Variants in TDRD10 observed in about 807,000 individuals in gnomAD.
TDRD10 encodes tudor domain containing 10, also known as tudor domain-containing protein 10.
In TDRD10, 40 loss-of-function variants were observed where a neutral mutation model predicts 48.0. That is an observed-to-expected ratio of 0.83 (90% CI 0.65 to 1.09). TDRD10 has a LOEUF of 1.09. Among genes scored for constraint, TDRD10 ranks in the 50% least tolerant of loss-of-function variants. The probability of loss-of-function intolerance (pLI) is 0.00; values close to 1 mark genes in which losing one functional copy is unlikely to be tolerated. For synonymous variants in TDRD10, 162 were observed against 170.4 expected (o/e 0.95, Z 0.38); for missense variants, 378 against 434.7 (o/e 0.87, Z 1.16).
intron 10 of TDRD10, 80 bp from the exon 11 acceptor site, chr1:154,544,715 C>T: frequency 6.4e-7 from 1 of 1,551,300 alleles, no homozygotes; most frequent in Middle Eastern, 1.8e-4. Flanking sequence ...CCTCCACTTT[C>T]ACATCCACTT....
In TDRD10 at chr1:154,526,417, AT is replaced by A. The variant is rs58821375; in HGVS notation, c.369+4958del. Reference sequence around the variant, plus strand: ...ACAAAACCCAAAACAACTTTCACAGATTTTTTTTTTTTTTTTTTTTGAGACA... The same window carrying A: ...ACAAAACCCAAAACAACTTTCACAGATTTTTTTTTTTTTTTTTTTGAGACA... On this transcript the variant is annotated intron_variant, in intron 6 of 12. Coordinates refer to ENST00000368482, the MANE Select transcript of TDRD10 (RefSeq NM_182499.4). Among the ~76,000 whole-genome samples the A allele has an allele frequency of 6.6e-3, 876 of 133,144 alleles. 9 individuals carry two copies. The highest frequency in any genetic ancestry group is 0.021 in the African/African-American group (743 of 36,194). The allele number at this position is 133,144 out of a possible 152,430, so 87.3% of individuals were successfully genotyped here. A position where few individuals can be genotyped will look rare whatever the true frequency, so the allele number is the denominator to read the frequency against.
intron 6 of TDRD10, among the ~76,000 whole-genome samples, chr1:154,538,117 G>A (rs1227337238): frequency 3.3e-5 from 5 of 152,130 alleles, no homozygotes; most frequent in African/African-American, 1.2e-4. Context: ...CTGTCAAAAC[G>A]GGCTTGTTAT....
In TDRD10 at chr1:154,507,262, C is replaced by G. The variant is rs1431998757; in HGVS notation, c.24C>G (p.Pro8=). ...ACAGGTCCTGGAACATTAGTCACCC[C>G]CAACTCTCTGATAAACTGTTTGGGA... MSWNISH[P]QLSDKLFGKN... Residue 8 remains proline (P), a synonymous_variant, in exon 3 of 13, where the codon CCC becomes CCG. Coordinates refer to ENST00000368482, the MANE Select transcript of TDRD10 (RefSeq NM_182499.4). 2 of 1,614,080 alleles carry G rather than the reference C, an allele frequency of 1.2e-6. No homozygotes were observed. Among genetic ancestry groups the G allele is most frequent in the Non-Finnish European group, 1.7e-6 (2 of 1,180,032 alleles).
intron 4 of TDRD10, among the ~76,000 whole-genome samples, chr1:154,516,034 CT>C (rs1693745566): frequency 6.6e-6 from 1 of 152,146 alleles, no homozygotes; most frequent in Admixed American, 6.5e-5. Flanking sequence ...ACTTACTCCC[CT>C]TAGTGATGAT....
intron 1 of TDRD10, among the ~76,000 whole-genome samples, chr1:154,505,231 A>G (rs1257886230): frequency 6.6e-6 from 1 of 152,116 alleles, no homozygotes; most frequent in East Asian, 1.9e-4. Context: ...TCCCTCTTAG[A>G]GTTTGAGTGA....
Position 154,509,987 on chromosome 1 carries a change from C to T in TDRD10, c.141+1506C>T, listed in dbSNP as rs888406223. 83 of 472,564 alleles carry T rather than the reference C, an allele frequency of 1.8e-4. 1 individual carries two copies. The highest frequency in any genetic ancestry group is 1.2e-3 in the African/African-American group (59 of 47,370). 29.3% of individuals were successfully genotyped at this position (472,564 alleles called of 1,614,324 possible). A position where few individuals can be genotyped will look rare whatever the true frequency, so the allele number is the denominator to read the frequency against. On this transcript the variant is annotated intron_variant, in intron 4 of 12. Coordinates refer to ENST00000368482, the MANE Select transcript of TDRD10 (RefSeq NM_182499.4). ...ACTGTCCCACACCATGGTAAGGGAA[C>T]GTTTCATCCTTGTCCCCTTCGCAGA... is the stretch of plus-strand genomic sequence containing the variant.
chr1:154,509,101 T>TTG (rs1693307413), intron 4 of TDRD10, among the ~76,000 whole-genome samples: 1 of 150,972 alleles, frequency 6.6e-6, no homozygotes, highest in African/African-American at 2.4e-5. Flanking sequence ...CTGACTTTTT[T>TTG]TTTTTTTTTT....
intron 3 of TDRD10, among the ~76,000 whole-genome samples, chr1:154,507,569 G>T (rs1487104025): frequency 6.6e-6 from 1 of 152,068 alleles, no homozygotes; most frequent in East Asian, 1.9e-4. Flanking sequence ...TGTTTCATTT[G>T]TGCCTTCTTC....
intron 4 of TDRD10, among the ~76,000 whole-genome samples, chr1:154,511,343 T>C (rs1693459718): frequency 6.6e-6 from 1 of 151,620 alleles, no homozygotes; most frequent in Non-Finnish European, 1.5e-5. Flanking sequence ...TTTAAAAATG[T>C]ACAATTCAGG....
intron 4 of TDRD10, among the ~76,000 whole-genome samples, chr1:154,514,683 T>G (rs751119378): frequency 1.4e-4 from 22 of 152,164 alleles, no homozygotes; most frequent in East Asian, 1.9e-4. Flanking sequence ...TCATTTGTTT[T>G]TTTGTTTGTT....
intron 6 of TDRD10, among the ~76,000 whole-genome samples, chr1:154,522,700 C>A (rs977652450): frequency 5.3e-5 from 8 of 152,176 alleles, no homozygotes; most frequent in African/African-American, 1.7e-4. Context: ...CAAACTCTTT[C>A]TCTTCCTTTC....
At chr1:154,506,412 G>C (rs190628715) in intron 1 of TDRD10, among the ~76,000 whole-genome samples, 1 of 142,568 alleles carries the variant, frequency 7.0e-6, no homozygotes, top group Admixed American at 7.4e-5. Context: ...GTCTCACTCT[G>C]TCGCCCAGGC....
At chr1:154,525,138 T>C (rs1694243801) in intron 6 of TDRD10, among the ~76,000 whole-genome samples, 1 of 152,194 alleles carries the variant, frequency 6.6e-6, no homozygotes, top group Admixed American at 6.5e-5. Context: ...TCACTCTCAT[T>C]AGTCCTGTGC....
intron 4 of TDRD10, 134 bp from the exon 5 acceptor site, chr1:154,520,170 G>A (rs1356258109): frequency 6.1e-6 from 4 of 652,106 alleles, no homozygotes; most frequent in South Asian, 1.9e-5. Flanking sequence ...AACATGGCAC[G>A]TACAGCACAT....
intron 5 of TDRD10, 112 bp from the exon 6 acceptor site, chr1:154,521,211 C>A: frequency 9.6e-7 from 1 of 1,045,880 alleles, no homozygotes; most frequent in South Asian, 1.5e-5. Context: ...CATCTTCCAT[C>A]ACTGCAGAGA....
chr1:154,541,950 G>A, intron 6 of TDRD10, 74 bp from the exon 7 acceptor site: 3 of 1,477,812 alleles, frequency 2.0e-6, no homozygotes, highest in Non-Finnish European at 2.8e-6. Context: ...CAGTCTACCT[G>A]GAGTGATTCA....
intron 4 of TDRD10, among the ~76,000 whole-genome samples, chr1:154,514,516 T>TG (rs1693647389): frequency 6.6e-6 from 1 of 152,094 alleles, no homozygotes; most frequent in Admixed American, 6.5e-5. Context: ...GATGGGCTTG[T>TG]GGGAGTTCAT....
intron 6 of TDRD10, among the ~76,000 whole-genome samples, chr1:154,532,974 C>G (rs1391327937): frequency 6.6e-6 from 1 of 152,200 alleles, no homozygotes; most frequent in Non-Finnish European, 1.5e-5. Flanking sequence ...TCTGACACCC[C>G]CCCCAGTAGG....
At chr1:154,518,186 C>T (rs1693872392) in intron 4 of TDRD10, among the ~76,000 whole-genome samples, 2 of 152,174 alleles carry the variant, frequency 1.3e-5, no homozygotes, top group African/African-American at 4.8e-5. Flanking sequence ...AGGTTAAAAG[C>T]AGAAGGTGCA....
Sources: allele counts gnomAD v4.1 joint callset (sites outside exome capture counted in the v4.1 genomes callset), GRCh38; gene constraint gnomAD v4.1.1; transcripts MANE v1.5; gene names NCBI Gene and HGNC (gene_info 2026-07-23, HGNC 2026-07-21).